EPHX1: variants seen among roughly 807,000 people sequenced by gnomAD.
EPHX1 encodes epoxide hydratase.
In EPHX1, 40 loss-of-function variants were observed where a neutral mutation model predicts 43.2. The ratio of observed to expected loss-of-function variants is 0.93; its 90% CI spans 0.72 to 1.21. The LOEUF is 1.21. Ranked by LOEUF, EPHX1 falls within the 50% of genes most tolerant of loss-of-function variation. The pLI is 0.00. For missense variants in EPHX1, 550 were observed against 570.4 expected (o/e 0.96, Z 0.36); for synonymous variants, 221 against 226.7 (o/e 0.98, Z 0.22).
chr1:225,831,418 T>A (rs959128416), intron 2 of EPHX1, among the ~76,000 whole-genome samples: 3 of 151,842 alleles, frequency 2.0e-5, no homozygotes, highest in East Asian at 3.9e-4. Flanking sequence ...ACATGGTGGC[T>A]CACACCTGTA....
At chr1:225,840,198 A>C (rs571275299) in intron 6 of EPHX1, among the ~76,000 whole-genome samples, 161 bp downstream of exon 6, 1 of 152,328 alleles carries the variant, frequency 6.6e-6, no homozygotes, top group South Asian at 2.1e-4. Context: ...TTCCCATAGA[A>C]TCAAGAGGAT....
intron 1 of EPHX1, among the ~76,000 whole-genome samples, chr1:225,828,237 G>A (rs1012580567): frequency 7.9e-5 from 12 of 151,890 alleles, no homozygotes; most frequent in African/African-American, 1.5e-4. Flanking sequence ...CCAGCTACTC[G>A]GGAGGCTGAG....
chr1:225,816,037 A>G (rs1245329825), intron 1 of EPHX1, among the ~76,000 whole-genome samples: 1 of 152,210 alleles, frequency 6.6e-6, no homozygotes, highest in Non-Finnish European at 1.5e-5. Context: ...TCATGCCTGT[A>G]ATCCCGGCAC....
chr1:225,845,197 G>A lies in EPHX1; in HGVS notation c.1218G>A (p.Leu406=), dbSNP rs779163635. 1 of 1,614,136 alleles carries A rather than the reference G, an allele frequency of 6.2e-7. No individual in the cohort carries two copies. The highest frequency in any genetic ancestry group is 1.1e-5 in the South Asian group (1 of 91,086). ...TCTCTGCCTTCCCTTTTGAGCTATT[G>A]CACACGCCTGAAAAGTGGGTGAGGT... is the stretch of plus-strand genomic sequence containing the variant. ...TGFSAFPFEL[L]HTPEKWVRFK... Residue 406 remains leucine, a synonymous_variant, in exon 9 of 9, where the codon TTG becomes TTA. Coordinates refer to ENST00000272167, the MANE Select transcript of EPHX1 (RefSeq NM_001136018.4).
At chr1:225,813,823 C>T (rs575163074) in intron 1 of EPHX1, among the ~76,000 whole-genome samples, 233 of 152,198 alleles carry the variant, frequency 1.5e-3, no homozygotes, top group African/African-American at 5.3e-3. Context: ...GTCCAGCCCC[C>T]GCACAGCCAC....
intron 3 of EPHX1, among the ~76,000 whole-genome samples, chr1:225,833,768 C>G (rs930590284): frequency 2.1e-5 from 3 of 140,186 alleles, no homozygotes; most frequent in African/African-American, 8.0e-5. Context: ...GCACTCCAGC[C>G]TGGGCGACAG....
chr1:225,837,159 GT>G (rs1358908182), intron 3 of EPHX1, among the ~76,000 whole-genome samples: 1 of 152,210 alleles, frequency 6.6e-6, no homozygotes, highest in Non-Finnish European at 1.5e-5. Flanking sequence ...ACAACACCAT[GT>G]TTTCTTTAGA....
chr1:225,817,084 T>C lies in EPHX1; in HGVS notation c.-6+6915T>C, dbSNP rs1666759409. ...CCTTGGTTTCTGGCTCTAAGCTGTT[T>C]TCCCAGGGCTTGGCTCCGGCGCTTG... On this transcript the variant is annotated intron_variant, in intron 1 of 8. Coordinates refer to ENST00000272167, the MANE Select transcript of EPHX1 (RefSeq NM_001136018.4). This position sits in a 1 kb window ranked among gnomAD's most constrained non-coding sequence, Gnocchi z 5.7. 6.6e-6 allele frequency among the ~76,000 whole-genome samples: 1 copy of C among 152,222 alleles called. No individual in the cohort carries two copies. Among genetic ancestry groups the C allele is most frequent in the African/African-American group, 2.4e-5 (1 of 41,470 alleles).
intron 2 of EPHX1, among the ~76,000 whole-genome samples, chr1:225,831,355 C>T (rs893226740): frequency 2.6e-5 from 4 of 152,094 alleles, no homozygotes; most frequent in Non-Finnish European, 2.9e-5. Context: ...TCAAGACCAG[C>T]CTGGCCAACA....
intron 1 of EPHX1, among the ~76,000 whole-genome samples, chr1:225,823,465 A>G (rs1459699724): frequency 6.6e-6 from 1 of 152,184 alleles, no homozygotes; most frequent in Non-Finnish European, 1.5e-5. Flanking sequence ...GGCATCACCC[A>G]AGTTGGCCAT....
chr1:225,844,072 T>A (rs1188654366), intron 7 of EPHX1, among the ~76,000 whole-genome samples: 1 of 152,038 alleles, frequency 6.6e-6, no homozygotes, highest in East Asian at 1.9e-4. Context: ...AAAATGGAGA[T>A]AATAGTACCT....
At chr1:225,829,241 G>C (rs1667438022) in intron 2 of EPHX1, among the ~76,000 whole-genome samples, 1 of 152,166 alleles carries the variant, frequency 6.6e-6, no homozygotes, top group African/African-American at 2.4e-5. Context: ...TGGGAGTGAG[G>C]TTGTGGGAGA....
At chr1:225,823,709 T>G (rs1667088293) in intron 1 of EPHX1, among the ~76,000 whole-genome samples, 1 of 152,154 alleles carries the variant, frequency 6.6e-6, no homozygotes, top group East Asian at 1.9e-4. Context: ...ATCTGCTTAG[T>G]GCCACCCCCT....
rs1667394806 is a variant in EPHX1, at chr1:225,828,637, G to A, written c.-5-88G>A. The A allele has an allele frequency of 2.1e-6, 3 of 1,398,686 alleles. No individual in the cohort carries two copies. The African/African-American group carries it at 4.3e-5, about 20-fold the overall frequency. The allele number at this position is 1,398,686 out of a possible 1,614,324, so 86.6% of individuals were successfully genotyped here. The stretch of plus-strand genomic sequence containing the variant: ...CAGGGACAGGGTTGGAGCGCAGCAG[G>A]AAAGAGCCTGCTGGGGATCAGAGTC... On this transcript the variant is annotated intron_variant, in intron 1 of 8. Coordinates refer to ENST00000272167, the MANE Select transcript of EPHX1 (RefSeq NM_001136018.4).
At chr1:225,837,260 T>TA (rs1192731845) in intron 3 of EPHX1, among the ~76,000 whole-genome samples, 1 of 152,230 alleles carries the variant, frequency 6.6e-6, no homozygotes, top group East Asian at 1.9e-4. Flanking sequence ...TATAATATAT[T>TA]AACGACAGAA....
In EPHX1 at chr1:225,844,479, T is replaced by C; in HGVS notation, c.1041-19T>C. ...TGCATGTGGCACTGAGAGTGGGGCT[T>C]TGTGTTCTGCGTTCCCAGGAAGTTC... On this transcript the variant is annotated intron_variant, in intron 7 of 8. Transcript: ENST00000272167. 6.2e-7 allele frequency: 1 copy of C among 1,613,974 alleles called. No individual in the cohort carries two copies. The highest frequency in any genetic ancestry group is 8.5e-7 in the Non-Finnish European group (1 of 1,179,916).
At chr1:225,823,267 A>G (rs1352394347) in intron 1 of EPHX1, among the ~76,000 whole-genome samples, 2 of 151,900 alleles carry the variant, frequency 1.3e-5, no homozygotes, top group Non-Finnish European at 2.9e-5. Context: ...CCTGGCCACA[A>G]GTGATTCACC....
intron 1 of EPHX1, among the ~76,000 whole-genome samples, chr1:225,823,490 C>G (rs1667077141): frequency 6.6e-6 from 1 of 152,244 alleles, no homozygotes; most frequent in African/African-American, 2.4e-5. Context: ...CTTCCCCAGA[C>G]TCAGTCACTC....
At chr1:225,815,009 C>T (rs981104978) in intron 1 of EPHX1, among the ~76,000 whole-genome samples, 1 of 152,218 alleles carries the variant, frequency 6.6e-6, no homozygotes, top group African/African-American at 2.4e-5. Context: ...AATATACTTT[C>T]CCACGTTCCA....
Sources: allele counts gnomAD v4.1 joint callset (sites outside exome capture counted in the v4.1 genomes callset), GRCh38; gene constraint gnomAD v4.1.1; non-coding constraint Gnocchi (gnomAD v3.1); transcripts MANE v1.5; gene names NCBI Gene and HGNC (gene_info 2026-07-23, HGNC 2026-07-21).